CHODL: variants seen among roughly 807,000 people sequenced by gnomAD.
The protein encoded by CHODL is transmembrane protein MT75.
A neutral mutation model predicts 34.5 loss-of-function variants in CHODL; 29 were observed. That is an observed-to-expected ratio of 0.84 (90% CI 0.63 to 1.15). The LOEUF (loss-of-function observed/expected upper bound fraction) is 1.15. Among genes scored for constraint, CHODL ranks in the 50% most tolerant of loss-of-function variants. The probability of loss-of-function intolerance (pLI) is 0.00; values close to 1 mark genes in which losing one functional copy is unlikely to be tolerated. For missense variants in CHODL, 332 were observed against 332.5 expected (o/e 1.00, Z 0.01); for synonymous variants, 125 against 116.1 (o/e 1.08, Z -0.49).
At chr21:17,991,572 T>C (rs2063797238) in intron 1 of CHODL, among the ~76,000 whole-genome samples, 1 of 152,160 alleles carries the variant, frequency 6.6e-6, no homozygotes, top group Admixed American at 6.5e-5. Context: ...TTGAGCATTT[T>C]TTAATATACC....
chr21:18,125,877 C>T (rs972665505), intron 2 of CHODL, among the ~76,000 whole-genome samples: 1 of 152,134 alleles, frequency 6.6e-6, no homozygotes, highest in Non-Finnish European at 1.5e-5. Context: ...AAAGCAGCAG[C>T]AGGTTTAGAG....
intron 2 of CHODL, among the ~76,000 whole-genome samples, chr21:18,194,314 G>GC (rs763841297): frequency 1.3e-5 from 2 of 151,992 alleles, no homozygotes; most frequent in Non-Finnish European, 2.9e-5. Context: ...CCTGTAATCA[G>GC]CCCCCTGCCC....
intron 1 of CHODL, among the ~76,000 whole-genome samples, chr21:18,020,197 TCAGACAATTACTCATTTGAAGTTTCA>T (rs1425355454): frequency 1.4e-4 from 22 of 152,170 alleles, no homozygotes; most frequent in Non-Finnish European, 2.2e-4. Context: ...TTTAGTTGGC[TCAGACAATTACTCATTTGAAGTTTCA>T]CAGAGAATTT....
intron 2 of CHODL, among the ~76,000 whole-genome samples, chr21:18,237,800 C>G (rs2074042326): frequency 6.6e-6 from 1 of 152,004 alleles, no homozygotes; most frequent in Admixed American, 6.6e-5. Flanking sequence ...ATTGAATAAA[C>G]ATAAAAATTT....
chr21:18,183,100 CT>C (rs1163260280), intron 2 of CHODL, among the ~76,000 whole-genome samples: 1 of 152,192 alleles, frequency 6.6e-6, no homozygotes, highest in Non-Finnish European at 1.5e-5. Flanking sequence ...TTAAAATACA[CT>C]TTAAAAATGT....
intron 1 of CHODL, among the ~76,000 whole-genome samples, chr21:17,950,567 A>G (rs1408686363): frequency 6.6e-6 from 1 of 151,660 alleles, no homozygotes; most frequent in Non-Finnish European, 1.5e-5. Context: ...CTGTGGATAT[A>G]AAGTACAATA....
At chr21:17,988,298 A>C (rs1416257505) in intron 1 of CHODL, among the ~76,000 whole-genome samples, 4 of 151,772 alleles carry the variant, frequency 2.6e-5, no homozygotes, top group Admixed American at 2.0e-4. Context: ...CACAGGCTTC[A>C]AGTTTAGCTG....
chr21:18,092,188 A>C (rs2065081796), intron 2 of CHODL, among the ~76,000 whole-genome samples: 1 of 150,992 alleles, frequency 6.6e-6, no homozygotes, highest in Admixed American at 6.5e-5. Flanking sequence ...TTTGTGAGAA[A>C]GTAAGGGGAA....
chr21:18,121,112 A>C (rs928520384), intron 2 of CHODL, among the ~76,000 whole-genome samples: 1 of 151,952 alleles, frequency 6.6e-6, no homozygotes, highest in Non-Finnish European at 1.5e-5. Context: ...CAAGTTCCTC[A>C]GGGCTTCTCT....
chr21:18,261,879 A>T (rs928333216), intron 4 of CHODL, among the ~76,000 whole-genome samples: 1 of 152,036 alleles, frequency 6.6e-6, no homozygotes, highest in Non-Finnish European at 1.5e-5. Context: ...GTGCCGCTGG[A>T]GTCTCGTGTC....
chr21:17,985,005 A>C (rs2063742266), intron 1 of CHODL, among the ~76,000 whole-genome samples: 2 of 152,138 alleles, frequency 1.3e-5, no homozygotes, highest in African/African-American at 4.8e-5. Context: ...TCAATAAGGA[A>C]AGTTTCTGTT....
chr21:18,255,572 C>T lies in CHODL; in HGVS notation c.80-937C>T, dbSNP rs557688861. Among the ~76,000 whole-genome samples the T allele has an allele frequency of 3.9e-5, 6 of 152,192 alleles. No individual in the cohort carries two copies. The East Asian group carries it at 9.7e-4, about 24-fold the overall frequency. On this transcript the variant is annotated intron_variant, in intron 1 of 5. Coordinates refer to ENST00000299295, the MANE Select transcript of CHODL (RefSeq NM_024944.3). ...ACCAGTTTGGCCAAATTTCAGCCTA[C>T]TCAGGTCTCCATCCAAATTGTAAGA...
At chr21:17,963,312 TAC>T (rs781189021) in intron 1 of CHODL, among the ~76,000 whole-genome samples, 2 of 152,140 alleles carry the variant, frequency 1.3e-5, no homozygotes, top group Non-Finnish European at 2.9e-5. Context: ...GGAAAAATGA[TAC>T]TAGAAGAAGG....
intron 5 of CHODL, among the ~76,000 whole-genome samples, chr21:18,264,278 C>T (rs2074419491): frequency 6.6e-6 from 1 of 152,006 alleles, no homozygotes. Context: ...CACAGTGAAC[C>T]GGGACAAACA....
At chr21:18,041,863 T>C (rs903350171) in intron 2 of CHODL, among the ~76,000 whole-genome samples, 1 of 151,912 alleles carries the variant, frequency 6.6e-6, no homozygotes, top group Non-Finnish European at 1.5e-5. Flanking sequence ...TTATATGTGC[T>C]AAAGGGAGCC....
intron 4 of CHODL, among the ~76,000 whole-genome samples, chr21:18,261,640 T>G (rs1297888201): frequency 6.6e-6 from 1 of 152,060 alleles, no homozygotes; most frequent in Non-Finnish European, 1.5e-5. Context: ...CACTCTGGCC[T>G]GGGAGACAGA....
chr21:18,199,244 C>A (rs2073624820), intron 2 of CHODL, among the ~76,000 whole-genome samples: 3 of 152,050 alleles, frequency 2.0e-5, no homozygotes, highest in Admixed American at 2.0e-4. Flanking sequence ...TCCACAGTAA[C>A]TTTTAAGGGC....
chr21:18,038,527 TA>T (rs1245076619), intron 2 of CHODL, among the ~76,000 whole-genome samples: 1 of 151,784 alleles, frequency 6.6e-6, no homozygotes, highest in Non-Finnish European at 1.5e-5. Flanking sequence ...GCTGAATTTT[TA>T]TTTTTTTGCT....
At chr21:18,184,025 C>T (rs1319168557) in intron 2 of CHODL, among the ~76,000 whole-genome samples, 2 of 152,090 alleles carry the variant, frequency 1.3e-5, no homozygotes, top group African/African-American at 4.8e-5. Context: ...CTTATTTTTA[C>T]TTTGGACTCA....
Sources: gnomAD v4.1 joint callset for allele counts (sites outside exome capture counted in the v4.1 genomes callset) on GRCh38, gnomAD v4.1.1 for gene constraint, MANE v1.5 for transcripts, NCBI Gene and HGNC (gene_info 2026-07-23, HGNC 2026-07-21) for gene names.